DGKB: variants seen among roughly 807,000 people sequenced by gnomAD.
DGKB encodes diacylglycerol kinase beta, also known as 90 kDa diacylglycerol kinase.
In DGKB, 67 loss-of-function variants were observed where a neutral mutation model predicts 114.3. That is an observed-to-expected ratio of 0.59 (90% CI 0.48 to 0.72). DGKB has a LOEUF of 0.72. Ranked by LOEUF, DGKB falls within the 30% of genes least tolerant of loss-of-function variation. The pLI, the probability that DGKB is intolerant of heterozygous loss-of-function variation, is 0.00. For missense variants in DGKB, 907 were observed against 975.2 expected, an observed-to-expected ratio of 0.93 and a Z score of 0.93; for synonymous variants, 398 against 323.1, an observed-to-expected ratio of 1.23 and a Z score of -2.49.
At chr7:14,334,208 C>T (rs1255621901) in intron 23 of DGKB, among the ~76,000 whole-genome samples, 1 of 152,054 alleles carries the variant, frequency 6.6e-6, no homozygotes, top group Non-Finnish European at 1.5e-5. Context: ...GCATGTGGTT[C>T]CCATGCACTG....
chr7:14,715,100 T>G (rs1827980908), intron 6 of DGKB, among the ~76,000 whole-genome samples: 1 of 152,102 alleles, frequency 6.6e-6, no homozygotes, highest in East Asian at 1.9e-4. Context: ...AAAAATGAAC[T>G]CAGATCACTG....
chr7:14,303,864 C>T (rs1803974932), intron 23 of DGKB, among the ~76,000 whole-genome samples: 1 of 152,018 alleles, frequency 6.6e-6, no homozygotes, highest in Admixed American at 6.6e-5. Context: ...CATTTATCGC[C>T]ACCATGAAAA....
chr7:14,834,716 C>T (rs1187305273), intron 2 of DGKB, among the ~76,000 whole-genome samples: 1 of 152,140 alleles, frequency 6.6e-6, no homozygotes, highest in Non-Finnish European at 1.5e-5. Flanking sequence ...AGACTTCGTA[C>T]ATTTTTCAGA....
At chr7:14,351,340 C>T (rs1813391961) in intron 21 of DGKB, among the ~76,000 whole-genome samples, 1 of 152,220 alleles carries the variant, frequency 6.6e-6, no homozygotes, top group Admixed American at 6.5e-5. Context: ...TGAGGAGCGT[C>T]TGAAAGCTGC....
intron 23 of DGKB, among the ~76,000 whole-genome samples, chr7:14,214,538 G>A (rs1788654180): frequency 6.6e-6 from 1 of 152,072 alleles, no homozygotes; most frequent in Non-Finnish European, 1.5e-5. Context: ...GGGGATAAAT[G>A]CATTTTCTTA....
In DGKB at chr7:14,379,400, T is replaced by G. The variant is rs369981727; in HGVS notation, c.1836-34009A>C. Among the ~76,000 whole-genome samples, 1,235 of 125,572 alleles carry G rather than the reference T, an allele frequency of 9.8e-3. 17 individuals are homozygous for G. The highest frequency in any genetic ancestry group is 0.041 in the African/African-American group (1,146 of 28,132). The allele number at this position is 125,572 out of a possible 152,430, so 82.4% of individuals were successfully genotyped here. On this transcript the variant is annotated intron_variant, in intron 21 of 25. Coordinates refer to ENST00000402815, the MANE Select transcript of DGKB (RefSeq NM_001350709.2). ...TAGGCGACTCAAAGAAATTATGGAG[T>G]TTTTTTTTTTTTTTTTTTCCACTTT... is the stretch of plus-strand genomic sequence containing the variant.
intron 8 of DGKB, among the ~76,000 whole-genome samples, chr7:14,697,760 G>C (rs561738203): frequency 3.0e-5 from 4 of 132,124 alleles, no homozygotes; most frequent in African/African-American, 1.2e-4. Context: ...AAGAAAGAAA[G>C]AAAGAAAGAA....
chr7:14,570,740 T>C (rs1459483373), intron 20 of DGKB, among the ~76,000 whole-genome samples: 2 of 151,998 alleles, frequency 1.3e-5, no homozygotes, highest in African/African-American at 4.8e-5. Context: ...AGAGAAGGGG[T>C]TGATCTTGCT....
chr7:14,922,159 C>T (rs938114415), intron 1 of DGKB, among the ~76,000 whole-genome samples: 2 of 151,842 alleles, frequency 1.3e-5, no homozygotes, highest in African/African-American at 4.8e-5. Context: ...GAAAGAAAAG[C>T]AAGATGGAAG....
intron 20 of DGKB, among the ~76,000 whole-genome samples, chr7:14,531,540 G>A (rs947535665): frequency 4.0e-5 from 6 of 151,482 alleles, no homozygotes; most frequent in East Asian, 1.9e-4. Flanking sequence ...ACGTTGCTGC[G>A]AGTATTGAAG....
intron 25 of DGKB, among the ~76,000 whole-genome samples, chr7:14,155,670 C>G (rs1252891962): frequency 6.6e-6 from 1 of 151,954 alleles, no homozygotes; most frequent in Non-Finnish European, 1.5e-5. Flanking sequence ...ATTGAGGAGG[C>G]AGAAGTACAG....
At chr7:14,727,508 G>A (rs1386423508) in intron 5 of DGKB, among the ~76,000 whole-genome samples, 1 of 152,054 alleles carries the variant, frequency 6.6e-6, no homozygotes, top group Non-Finnish European at 1.5e-5. Context: ...TGTAAAGGTT[G>A]ATATAAATAA....
chr7:14,291,624 T>C (rs1489720638), intron 23 of DGKB, among the ~76,000 whole-genome samples: 1 of 151,928 alleles, frequency 6.6e-6, no homozygotes, highest in Non-Finnish European at 1.5e-5. Flanking sequence ...TCTGACATTT[T>C]TGTTTTGATG....
chr7:14,902,821 T>C (rs943204252), upstream of DGKB: 2 of 152,264 alleles, frequency 1.3e-5, no homozygotes, highest in African/African-American at 2.4e-5. Context: ...ACCCGGCCCA[T>C]TGGAACTAGT....
chr7:14,516,448 G>A (rs1179907690), intron 20 of DGKB, among the ~76,000 whole-genome samples: 1 of 152,118 alleles, frequency 6.6e-6, no homozygotes, highest in East Asian at 1.9e-4. Flanking sequence ...TTAAGTTGAA[G>A]ATCTGATCTG....
intron 21 of DGKB, among the ~76,000 whole-genome samples, chr7:14,465,732 C>T (rs527937647): frequency 7.2e-5 from 11 of 152,086 alleles, no homozygotes; most frequent in Non-Finnish European, 1.2e-4. Context: ...GGAGCCCTAA[C>T]TAGCACATTA....
chr7:14,910,292 AAGAAAGAAAG>A (rs935256315), intron 1 of DGKB, among the ~76,000 whole-genome samples: 6 of 147,878 alleles, frequency 4.1e-5, no homozygotes, highest in African/African-American at 1.5e-4. Flanking sequence ...GAAAGAAAGA[AAGAAAGAAAG>A]AAAGAAAGAA....
chr7:14,875,304 A>C (rs894053843), intron 1 of DGKB, among the ~76,000 whole-genome samples: 1 of 152,184 alleles, frequency 6.6e-6, no homozygotes, highest in African/African-American at 2.4e-5. Flanking sequence ...TGACTGCCGA[A>C]TGCTATTTTG....
intron 1 of DGKB, among the ~76,000 whole-genome samples, chr7:14,968,110 A>G (rs1421461186): frequency 1.3e-5 from 2 of 152,080 alleles, no homozygotes; most frequent in African/African-American, 4.8e-5. Context: ...ATAAATATTT[A>G]TATGATCCTC....
Sources: allele counts gnomAD v4.1 joint callset (sites outside exome capture counted in the v4.1 genomes callset), GRCh38; gene constraint gnomAD v4.1.1; transcripts MANE v1.5; gene names NCBI Gene and HGNC (gene_info 2026-07-23, HGNC 2026-07-21).